Variants in SPOPL observed in about 807,000 individuals in gnomAD.
SPOPL encodes the protein speckle type BTB/POZ protein like.
Under a neutral mutation model 53.8 loss-of-function variants are expected in SPOPL, and 23 were observed. That is an observed-to-expected ratio of 0.43 (90% CI 0.31 to 0.61). The LOEUF is 0.61. Ranked by LOEUF, SPOPL falls within the 20% of genes least tolerant of loss-of-function variation. The pLI is 0.12. For synonymous variants in SPOPL, 164 were observed against 149.7 expected (o/e 1.10, Z -0.70); for missense variants, 442 against 466.9 (o/e 0.95, Z 0.49).
At chr2:138,517,672 G>C (rs34801283) in intron 1 of SPOPL, among the ~76,000 whole-genome samples, 17,347 of 151,402 alleles carry the variant, frequency 0.11, 1,083 homozygotes, top group Middle Eastern at 0.14. Context: ...CCCAGGAGGT[G>C]AGCTTGCAGT....
In SPOPL at chr2:138,571,159, T is replaced by C. The variant is rs1050145510; in HGVS notation, c.*2079T>C. ...GTTTTAAGATTTTGCGAGGGTCTTA[T>C]AAGAAAACAAAAATTCCCTCAGGCT... On this transcript the variant is annotated 3_prime_UTR_variant, in exon 11 of 11. Transcript: ENST00000280098. 2.6e-5 allele frequency: 4 copies of C among 152,170 alleles called. No individual in the cohort carries two copies. In the East Asian group the frequency reaches 5.8e-4, roughly 22 times the overall value. 9.4% of individuals were successfully genotyped at this position (152,170 alleles called of 1,614,324 possible).
intron 8 of SPOPL, among the ~76,000 whole-genome samples, chr2:138,562,366 C>G (rs1416809684): frequency 6.6e-6 from 1 of 151,914 alleles, no homozygotes. Flanking sequence ...GAAAATAGAC[C>G]ATCACATTAT....
chr2:138,514,826 A>G (rs183440867), intron 1 of SPOPL, among the ~76,000 whole-genome samples: 1 of 152,294 alleles, frequency 6.6e-6, no homozygotes, highest in Admixed American at 6.5e-5. Context: ...TCAGTAGTAG[A>G]TGAGAATTTC....
At chr2:138,520,779 G>C (rs1333778713) in intron 1 of SPOPL, among the ~76,000 whole-genome samples, 1 of 152,136 alleles carries the variant, frequency 6.6e-6, no homozygotes, top group Non-Finnish European at 1.5e-5. Flanking sequence ...TGCTAGTCTG[G>C]CCCATTGTAG....
At chr2:138,561,466 G>T (rs1685547792) in intron 8 of SPOPL, among the ~76,000 whole-genome samples, 1 of 151,962 alleles carries the variant, frequency 6.6e-6, no homozygotes, top group Non-Finnish European at 1.5e-5. Context: ...AATCCTAAAA[G>T]CACATTCAGT....
Position 138,550,903 on chromosome 2 carries a change from G to C in SPOPL, c.201G>C (p.Trp67Cys), listed in dbSNP as rs776404478. The change falls in exon 4 of 11, where the codon TGG becomes TGC. Residue 67 changes from tryptophan to cysteine, a missense_variant and splice_region_variant. By Grantham distance (215) the Trp-to-Cys change is radical. Coordinates refer to ENST00000280098, the MANE Select transcript of SPOPL (RefSeq NM_001001664.3). The stretch of plus-strand genomic sequence containing the variant: ...ATGTGAGCTTATTGTTTTATTTTAG[G>C]TGCCTGAGGGTAAACCCAAAGGGAT... ...FSSGPSDKMK[W>C]CLRVNPKGLD... 1 of 1,602,398 alleles carries C rather than the reference G, an allele frequency of 6.2e-7. No homozygotes were observed. The highest frequency in any genetic ancestry group is 1.7e-5 in the Admixed American group (1 of 57,564).
At position 138,564,966 on chromosome 2, in the gene SPOPL, G is replaced by T. The variant is rs1286024416; in HGVS notation, c.1007G>T (p.Cys336Phe). 7 of 1,614,088 alleles carry T rather than the reference G, an allele frequency of 4.3e-6. No homozygotes were observed. The highest frequency in any genetic ancestry group is 5.1e-6 in the Non-Finnish European group (6 of 1,180,012). The change falls in exon 10 of 11, where the codon TGT (cysteine) becomes TTT (phenylalanine). Residue 336 changes from cysteine to phenylalanine, a missense_variant. Coordinates refer to ENST00000280098, the MANE Select transcript of SPOPL (RefSeq NM_001001664.3). Reference sequence around the variant, plus strand: ...TGCAGTGTACTTCGACAACTTGGGTGTAAAGATGGGAAAAACTGGAACAGC... The same window carrying T: ...TGCAGTGTACTTCGACAACTTGGGTTTAAAGATGGGAAAAACTGGAACAGC... ...NRCSVLRQLG[C>F]KDGKNWNSNQ...
chr2:138,512,125 C>A lies in SPOPL; in HGVS notation c.-61+10006C>A, dbSNP rs371445173. On this transcript the variant is annotated intron_variant, in intron 1 of 10. Transcript: ENST00000280098. ...TTGCTTAAAAGGGAGAGGAAAAGAG[C>A]CTTATCAAATGGTTCATTGATATTT... 6.6e-5 allele frequency among the ~76,000 whole-genome samples: 10 copies of A among 152,070 alleles called. No homozygotes were observed. In the East Asian group the frequency reaches 1.5e-3, roughly 23 times the overall value.
intron 1 of SPOPL, among the ~76,000 whole-genome samples, chr2:138,540,851 G>T (rs531487096): frequency 6.6e-6 from 1 of 151,910 alleles, no homozygotes; most frequent in East Asian, 1.9e-4. Context: ...CCAGTTTTTG[G>T]CCATTCAGTA....
At chr2:138,556,757 A>C in intron 5 of SPOPL, among the ~76,000 whole-genome samples, 1 of 152,204 alleles carries the variant, frequency 6.6e-6, no homozygotes. Context: ...CCATACTTAG[A>C]GAAACATCTC....
intron 3 of SPOPL, 94 bp downstream of exon 3, chr2:138,550,698 T>G: frequency 6.7e-7 from 1 of 1,493,800 alleles, no homozygotes; most frequent in African/African-American, 1.4e-5. Context: ...TGAATGAGTA[T>G]TAATGTAATT....
intron 5 of SPOPL, among the ~76,000 whole-genome samples, chr2:138,555,843 C>T (rs552497081): frequency 6.6e-6 from 1 of 151,572 alleles, no homozygotes; most frequent in Non-Finnish European, 1.5e-5. Context: ...TGAGGTTTTG[C>T]TTTGCAACAT....
chr2:138,563,233 G>A (rs556491440), intron 8 of SPOPL, among the ~76,000 whole-genome samples: 6 of 152,208 alleles, frequency 3.9e-5, no homozygotes, highest in Non-Finnish European at 4.4e-5. Flanking sequence ...ATCCCAACAC[G>A]TTAGGAGGCC....
Position 138,550,949 on chromosome 2 carries a change from T to A in SPOPL, c.247T>A (p.Tyr83Asn). 6.2e-7 allele frequency: 1 copy of A among 1,613,406 alleles called. No individual in the cohort carries two copies. Among genetic ancestry groups the A allele is most frequent in the Non-Finnish European group, 8.5e-7 (1 of 1,179,546 alleles). The change falls in exon 4 of 11, where the codon TAC becomes AAC. Residue 83 changes from tyrosine (Y) to asparagine (N), a missense_variant. Transcript: ENST00000280098. The stretch of plus-strand genomic sequence containing the variant: ...GGGATTAGATGATGAAAGTAAAGAC[T>A]ACTTGTCCTTATATTTGCTTTTAGT... ...PKGLDDESKD[Y>N]LSLYLLLVSC... is the part of the protein sequence containing the mutation.
chr2:138,527,853 T>G (rs1684710334), intron 1 of SPOPL, among the ~76,000 whole-genome samples: 1 of 152,096 alleles, frequency 6.6e-6, no homozygotes, highest in Admixed American at 6.6e-5. Flanking sequence ...AATGGGAAGG[T>G]TATGGACACT....
chr2:138,509,685 A>C (rs929709180), intron 1 of SPOPL, among the ~76,000 whole-genome samples: 1 of 152,176 alleles, frequency 6.6e-6, no homozygotes, highest in Non-Finnish European at 1.5e-5. Context: ...CCTCGCACCC[A>C]TACAGACATA....
rs137913294 is a variant in SPOPL, at chr2:138,507,343, CTATT to C, written c.-61+5228_-61+5231del. Among the ~76,000 whole-genome samples the C allele has an allele frequency of 4.8e-3, 726 of 152,248 alleles. 3 individuals are homozygous for C. Among genetic ancestry groups the C allele is most frequent in the African/African-American group, 0.015 (631 of 41,534 alleles). On this transcript the variant is annotated intron_variant, in intron 1 of 10. Coordinates refer to ENST00000280098, the MANE Select transcript of SPOPL (RefSeq NM_001001664.3). ...ATAGTATGTATTTTTTAAATACTCA[CTATT>C]TATCAGACACTGAATGCTAGACTTC...
chr2:138,531,625 T>G (rs964116699), intron 1 of SPOPL, among the ~76,000 whole-genome samples: 2 of 152,192 alleles, frequency 1.3e-5, no homozygotes, highest in Non-Finnish European at 2.9e-5. Flanking sequence ...TCTGGTTTAG[T>G]GAAAATACCT....
rs1486154657 is a variant in SPOPL, at chr2:138,555,145, T to C, written c.480+2464T>C. On this transcript the variant is annotated intron_variant, in intron 5 of 10. Transcript: ENST00000280098. ...GAGGGTAGGAGGGTGTGTGTGTGTG[T>C]GTGTGTGTGTGTGTGTGTGTGTGTG... is the stretch of plus-strand genomic sequence containing the variant. Among the ~76,000 whole-genome samples, 5 of 150,486 alleles carry C rather than the reference T, an allele frequency of 3.3e-5. No homozygotes were observed. In the East Asian group the frequency reaches 9.7e-4, roughly 29 times the overall value.
Sources: gnomAD v4.1 joint callset for allele counts (sites outside exome capture counted in the v4.1 genomes callset) on GRCh38, gnomAD v4.1.1 for gene constraint, MANE v1.5 for transcripts, NCBI Gene and HGNC (gene_info 2026-07-23, HGNC 2026-07-21) for gene names.